MFSD8: variants seen among roughly 807,000 people sequenced by gnomAD.
MFSD8 encodes major facilitator superfamily domain containing 8, also known as major facilitator superfamily domain-containing protein 8.
A neutral mutation model predicts 66.4 loss-of-function variants in MFSD8; 55 were observed. The observed-to-expected ratio is 0.83, with a 90% CI of 0.67 to 1.04. The LOEUF is 1.04. MFSD8 is among the 50% of genes least tolerant of loss of function. The pLI is 0.00. For synonymous variants in MFSD8, 202 were observed against 212.8 expected, an observed-to-expected ratio of 0.95 and a Z score of 0.44; for missense variants, 550 against 627.6, an observed-to-expected ratio of 0.88 and a Z score of 1.32.
chr4:127,949,973 T>C, intron 2 of MFSD8, 126 bp from the exon 3 acceptor site: 1 of 705,818 alleles, frequency 1.4e-6, no homozygotes, highest in Non-Finnish European at 2.3e-6. Context: ...TACAAATGCC[T>C]AATTTATGAG....
At chr4:127,932,416 T>C (rs1477618943) in intron 8 of MFSD8, 1 of 152,554 alleles carries the variant, frequency 6.6e-6, no homozygotes, top group Non-Finnish European at 1.5e-5. Flanking sequence ...ACTAAAGTAT[T>C]AGCAGTGGTT....
chr4:127,965,342 T>C (rs1560793682), upstream of MFSD8: 6 of 633,822 alleles, frequency 9.5e-6, no homozygotes, highest in Non-Finnish European at 1.7e-5. Flanking sequence ...CTCAGCCTCC[T>C]CCCTCGGCAC....
At chr4:127,946,885 A>G (rs185940754) in intron 3 of MFSD8, among the ~76,000 whole-genome samples, 293 of 151,910 alleles carry the variant, frequency 1.9e-3, no homozygotes, top group South Asian at 3.8e-3. Flanking sequence ...ACTGACCTCG[A>G]GCCTGGGTGA....
chr4:127,964,127 A>G (rs1343322103), intron 1 of MFSD8, among the ~76,000 whole-genome samples: 1 of 152,174 alleles, frequency 6.6e-6, no homozygotes, highest in East Asian at 1.9e-4. Flanking sequence ...AGCTAGACAT[A>G]AACGTTCTCC....
Position 127,930,557 on chromosome 4 carries a change from A to G in MFSD8, c.998+126T>C, listed in dbSNP as rs1293966246. ...TATAGAAATATGATAATCTCTTAAT[A>G]AATTGTAAATTTGTGTGCAAAAAAA... is the stretch of plus-strand genomic sequence containing the variant. On this transcript the variant is annotated intron_variant, in intron 9 of 11. Transcript: ENST00000641686. 4 of 1,070,662 alleles carry G rather than the reference A, an allele frequency of 3.7e-6. No homozygotes were observed. The East Asian group carries it at 7.6e-5, about 20-fold the overall frequency. The allele number at this position is 1,070,662 out of a possible 1,614,324, so 66.3% of individuals were successfully genotyped here. A position where few individuals can be genotyped will look rare whatever the true frequency, so the allele number is the denominator to read the frequency against.
chr4:127,950,663 A>G (rs1421504493), intron 2 of MFSD8, among the ~76,000 whole-genome samples: 1 of 152,128 alleles, frequency 6.6e-6, no homozygotes, highest in African/African-American at 2.4e-5. Flanking sequence ...ACTGCACTCC[A>G]GCATGGGTGA....
rs112734134 is a variant in MFSD8 at position 127,939,895 on chromosome 4, A to G, written c.656T>C (p.Phe219Ser). The change falls in exon 6 of 12, where the codon TTC (phenylalanine) becomes TCC (serine). Residue 219 changes from phenylalanine to serine, a missense_variant. Coordinates refer to ENST00000641686, the MANE Select transcript of MFSD8 (RefSeq NM_001371596.2). ...MYTTPVLLSA[F>S]LGILNIILIL... ...CAGAATAATATTTAAAATTCCCAGG[A>G]AGGCGCTAAGTAAAACTGGTGTTGT... 153 of 1,613,540 alleles carry G rather than the reference A, an allele frequency of 9.5e-5. 1 individual carries two copies. The African/African-American group carries it at 1.7e-3, about 18-fold the overall frequency.
intron 2 of MFSD8, among the ~76,000 whole-genome samples, chr4:127,950,259 T>C (rs975589230): frequency 1.6e-4 from 24 of 152,120 alleles, no homozygotes; most frequent in Admixed American, 8.5e-4. Flanking sequence ...ATAAGGAAAA[T>C]GATCATCTAC....
In MFSD8 at chr4:127,942,110, TG is replaced by T. The variant is rs1161300893; in HGVS notation, c.487del (p.Gln163ArgfsTer10). On this transcript the variant is annotated frameshift_variant, in exon 5 of 12. Transcript: ENST00000641686. LOFTEE classifies it high-confidence loss of function. ...RSYTAGATSL[Q>X]ERTSSMANIS... ...GTTTGCCATGGAACTTGTTCTTTCC[TG>T]AAGGGAAGTAGCACCAGCAGTATAT... 1 of 1,613,958 alleles carries T rather than the reference TG, an allele frequency of 6.2e-7. No individual in the cohort carries two copies. Among genetic ancestry groups the T allele is most frequent in the Non-Finnish European group, 8.5e-7 (1 of 1,179,982 alleles).
At chr4:127,937,910 G>C (rs1316902004) in intron 7 of MFSD8, among the ~76,000 whole-genome samples, 5 of 152,114 alleles carry the variant, frequency 3.3e-5, no homozygotes, top group Non-Finnish European at 5.9e-5. Flanking sequence ...ATGAACTACT[G>C]AGGGCCAGGA....
At chr4:127,926,226 A>G (rs553102219) in intron 9 of MFSD8, among the ~76,000 whole-genome samples, 24 of 54,810 alleles carry the variant, frequency 4.4e-4, no homozygotes, top group Non-Finnish European at 5.9e-4. Flanking sequence ...AAAGTATAAT[A>G]AAGGCTGGGT....
At chr4:127,955,689 C>G (rs1328063768) in intron 2 of MFSD8, among the ~76,000 whole-genome samples, 1 of 152,092 alleles carries the variant, frequency 6.6e-6, no homozygotes, top group African/African-American at 2.4e-5. Context: ...CTCCCCCTTT[C>G]TGCCTGAATG....
At position 127,943,829 on chromosome 4, in the gene MFSD8, T is replaced by C. The variant is rs118203978; in HGVS notation, c.362A>G (p.Tyr121Cys). 2 of 1,614,144 alleles carry C rather than the reference T, an allele frequency of 1.2e-6. No homozygotes were observed. Among genetic ancestry groups the C allele is most frequent in the Non-Finnish European group, 1.7e-6 (2 of 1,180,014 alleles). The part of the protein sequence containing the change: ...ILISVAANCL[Y>C]AYLHIPASHN... ...AGAAGCTGGGATGTGGAGATATGCA[T>C]AGAGGCAGTTGGCTGCCACGGAAAT... The change falls in exon 4 of 12, where the codon TAT (tyrosine) becomes TGT (cysteine). Residue 121 changes from tyrosine (Y) to cysteine (C), a missense_variant. Physicochemically the swap from Tyr to Cys is radical, Grantham distance 194. Coordinates refer to ENST00000641686, the MANE Select transcript of MFSD8 (RefSeq NM_001371596.2).
In MFSD8 at chr4:127,960,569, T is replaced by C. The variant is rs980092684; in HGVS notation, c.63-2977A>G. Among the ~76,000 whole-genome samples the C allele has an allele frequency of 2.0e-5, 3 of 152,004 alleles. 1 individual carries two copies. The highest frequency in any genetic ancestry group is 4.4e-5 in the Non-Finnish European group (3 of 67,990). ...ATAAGAGAGAGAAAAGAAAGAAGTG[T>C]GTGCTCAGTGACAGAACAGTGTAGT... On this transcript the variant is annotated intron_variant, in intron 1 of 11. Transcript: ENST00000641686.
At chr4:127,964,688 G>T (rs1744688021) in intron 1 of MFSD8, 2 of 348,300 alleles carry the variant, frequency 5.7e-6, no homozygotes, top group Admixed American at 8.2e-5. Context: ...GGCTCCCACA[G>T]TGCAGCGGTG....
intron 9 of MFSD8, among the ~76,000 whole-genome samples, chr4:127,923,029 C>T (rs897230245): frequency 6.6e-6 from 1 of 152,166 alleles, no homozygotes; most frequent in Non-Finnish European, 1.5e-5. Flanking sequence ...CTTCTAGATG[C>T]AAGTACTAGT....
chr4:127,936,068 A>C (rs1191291745), intron 7 of MFSD8, among the ~76,000 whole-genome samples: 2 of 151,496 alleles, frequency 1.3e-5, no homozygotes, highest in East Asian at 3.8e-4. Flanking sequence ...CCATATTTGA[A>C]AGTTAAGTAT....
At chr4:127,946,593 T>C (rs1029438906) in intron 3 of MFSD8, among the ~76,000 whole-genome samples, 97 of 152,248 alleles carry the variant, frequency 6.4e-4, no homozygotes, top group African/African-American at 2.2e-3. Flanking sequence ...AAAATATATT[T>C]TAGGAGAGCA....
At chr4:127,965,385 A>C (rs1442875665), upstream of MFSD8, 1 of 592,332 alleles carries the variant, frequency 1.7e-6, no homozygotes, top group East Asian at 2.8e-5. Flanking sequence ...CTGAGAGCCC[A>C]GGAGAGCTCG....
Sources: gnomAD v4.1 joint callset for allele counts (sites outside exome capture counted in the v4.1 genomes callset) on GRCh38, gnomAD v4.1.1 for gene constraint, MANE v1.5 for transcripts, NCBI Gene and HGNC (gene_info 2026-07-23, HGNC 2026-07-21) for gene names.